The following PARD3 variants were observed in gnomAD, a reference collection of about 807,000 sequenced individuals.
PARD3 encodes the protein partitioning defective 3 homolog.
A neutral mutation model predicts 155.4 loss-of-function variants in PARD3; 75 were observed. That is an observed-to-expected ratio of 0.48 (90% CI 0.40 to 0.58). The LOEUF (loss-of-function observed/expected upper bound fraction) is 0.58. PARD3 is among the 20% of genes least tolerant of loss of function. The pLI is 0.00. For missense variants in PARD3, 1,642 were observed against 1,721.7 expected (o/e 0.95, Z 0.82); for synonymous variants, 576 against 610.5 (o/e 0.94, Z 0.83).
At chr10:34,482,023 A>G (rs1276374867) in intron 3 of PARD3, among the ~76,000 whole-genome samples, 2 of 117,734 alleles carry the variant, frequency 1.7e-5, no homozygotes, top group Non-Finnish European at 3.2e-5. Flanking sequence ...GTGCCCTGCT[A>G]ATTTTTATCT....
intron 4 of PARD3, among the ~76,000 whole-genome samples, chr10:34,466,943 C>T (rs2078043710): frequency 6.6e-6 from 1 of 152,046 alleles, no homozygotes; most frequent in African/African-American, 2.4e-5. Flanking sequence ...ATTCATTACA[C>T]ATTACTATTT....
intron 2 of PARD3, among the ~76,000 whole-genome samples, chr10:34,645,175 A>ATTTTAT (rs2092798753): frequency 6.8e-6 from 1 of 146,312 alleles, no homozygotes; most frequent in African/African-American, 2.7e-5. Flanking sequence ...ATTTTATTTT[A>ATTTTAT]TTTTATTTTA....
chr10:34,176,947 TTGTGTG>T (rs55740137), intron 22 of PARD3, among the ~76,000 whole-genome samples: 16 of 149,494 alleles, frequency 1.1e-4, no homozygotes, highest in African/African-American at 3.4e-4. Context: ...GAGAAGCAGG[TTGTGTG>T]TGTGTGTGTG....
At chr10:34,624,020 G>A (rs2091851667) in intron 2 of PARD3, among the ~76,000 whole-genome samples, 1 of 151,494 alleles carries the variant, frequency 6.6e-6, no homozygotes. Flanking sequence ...AGCTGTCCTT[G>A]CTCTGCTGGT....
intron 1 of PARD3, among the ~76,000 whole-genome samples, chr10:34,720,791 C>CT (rs1229423082): frequency 7.0e-6 from 1 of 143,058 alleles, no homozygotes; most frequent in East Asian, 2.0e-4. Flanking sequence ...GAGCGAAACT[C>CT]TGTCTCCAAA....
At chr10:34,616,745 A>G (rs1291411421) in intron 2 of PARD3, among the ~76,000 whole-genome samples, 2 of 151,950 alleles carry the variant, frequency 1.3e-5, no homozygotes, top group Non-Finnish European at 2.9e-5. Flanking sequence ...TTTGGGACCA[A>G]CCTGGGCAAC....
At chr10:34,514,785 T>C (rs2081608682) in intron 3 of PARD3, among the ~76,000 whole-genome samples, 1 of 152,202 alleles carries the variant, frequency 6.6e-6, no homozygotes, top group Non-Finnish European at 1.5e-5. Context: ...TGTTAGAAAT[T>C]TTGTTGAGTC....
intron 2 of PARD3, among the ~76,000 whole-genome samples, chr10:34,612,630 G>A (rs1217140324): frequency 1.3e-5 from 2 of 152,154 alleles, no homozygotes; most frequent in African/African-American, 2.4e-5. Context: ...TTCCTTATCT[G>A]GAAAACTGGG....
intron 12 of PARD3, among the ~76,000 whole-genome samples, chr10:34,368,839 T>TTAA (rs771653938): frequency 2.8e-5 from 3 of 108,618 alleles, no homozygotes; most frequent in East Asian, 5.4e-4. Flanking sequence ...ATGAGCAATG[T>TTAA]AAAAAAAAAA....
intron 1 of PARD3, among the ~76,000 whole-genome samples, chr10:34,755,432 G>T (rs538135164): frequency 6.6e-6 from 1 of 152,010 alleles, no homozygotes; most frequent in African/African-American, 2.4e-5. Context: ...AACAGAAAAA[G>T]AATTGCTGGG....
intron 2 of PARD3, among the ~76,000 whole-genome samples, chr10:34,689,579 A>G (rs1564511379): frequency 6.6e-6 from 1 of 152,250 alleles, no homozygotes; most frequent in African/African-American, 2.4e-5. Context: ...TCAACATGAT[A>G]TAAAATTGTC....
At chr10:34,256,076 G>A (rs1954638584) in intron 22 of PARD3, among the ~76,000 whole-genome samples, 1 of 152,202 alleles carries the variant, frequency 6.6e-6, no homozygotes, top group Admixed American at 6.5e-5. Context: ...TTTACTAACT[G>A]AAGCAGTGTA....
chr10:34,249,873 C>T (rs1228122946), intron 22 of PARD3, among the ~76,000 whole-genome samples: 1 of 152,178 alleles, frequency 6.6e-6, no homozygotes, highest in Non-Finnish European at 1.5e-5. Flanking sequence ...CCACCAGGCA[C>T]GCTGCACATC....
chr10:34,791,291 C>T (rs1564623297), intron 1 of PARD3, among the ~76,000 whole-genome samples: 1 of 152,182 alleles, frequency 6.6e-6, no homozygotes, highest in East Asian at 1.9e-4. Flanking sequence ...AAGCCACTGG[C>T]CTGAGTCTCA....
intron 22 of PARD3, among the ~76,000 whole-genome samples, chr10:34,143,917 T>C (rs1948329217): frequency 6.6e-6 from 1 of 152,186 alleles, no homozygotes; most frequent in Non-Finnish European, 1.5e-5. Context: ...ATTTATGCTC[T>C]TGATGAACTT....
chr10:34,315,507 G>C (rs915656239), intron 20 of PARD3, among the ~76,000 whole-genome samples: 5 of 152,220 alleles, frequency 3.3e-5, no homozygotes, highest in South Asian at 2.1e-4. Context: ...CCCTGGAAGA[G>C]AGAGTGGGCT....
At chr10:34,501,253 G>T (rs1349641768) in intron 3 of PARD3, among the ~76,000 whole-genome samples, 1 of 152,094 alleles carries the variant, frequency 6.6e-6, no homozygotes, top group Non-Finnish European at 1.5e-5. Flanking sequence ...TCATGGTTTG[G>T]TGCTGTCTTC....
intron 2 of PARD3, among the ~76,000 whole-genome samples, chr10:34,614,666 TA>T (rs1294753717): frequency 3.9e-5 from 6 of 152,266 alleles, no homozygotes; most frequent in African/African-American, 1.4e-4. Flanking sequence ...TACTGGTTGA[TA>T]TTTTTGCTTA....
At chr10:34,813,791 A>T (rs1223069684) in intron 1 of PARD3, among the ~76,000 whole-genome samples, 2 of 152,216 alleles carry the variant, frequency 1.3e-5, no homozygotes, top group Non-Finnish European at 2.9e-5. Flanking sequence ...CACAGGGGCC[A>T]GGCCACTGTC....
Sources: allele counts gnomAD v4.1 joint callset (sites outside exome capture counted in the v4.1 genomes callset), GRCh38; gene constraint gnomAD v4.1.1; transcripts MANE v1.5; gene names NCBI Gene and HGNC (gene_info 2026-07-23, HGNC 2026-07-21).